The following LDB2 variants were observed in gnomAD, a reference collection of about 807,000 sequenced individuals.
The protein encoded by LDB2 is LIM domain-binding protein 2.
In LDB2, 12 loss-of-function variants were observed where a neutral mutation model predicts 44.3. The observed-to-expected ratio is 0.27, with a 90% confidence interval of 0.17 to 0.44. The LOEUF is 0.44. LDB2 is among the 20% of genes least tolerant of loss of function. LDB2 has a pLI of 1.00. For synonymous variants in LDB2, 164 were observed against 174.8 expected (o/e 0.94, Z 0.49); for missense variants, 344 against 473.5 (o/e 0.73, Z 2.54).
At chr4:16,816,067 G>A (rs1051017312) in intron 1 of LDB2, among the ~76,000 whole-genome samples, 2 of 152,074 alleles carry the variant, frequency 1.3e-5, no homozygotes. Flanking sequence ...AATTAGCCAG[G>A]TGTGGTGGTG....
chr4:16,719,346 C>T (rs1757747245), intron 2 of LDB2, among the ~76,000 whole-genome samples: 1 of 152,062 alleles, frequency 6.6e-6, no homozygotes, highest in African/African-American at 2.4e-5. Flanking sequence ...ATGATAAGCT[C>T]ATTAGCTTGA....
intron 2 of LDB2, among the ~76,000 whole-genome samples, chr4:16,661,154 T>C (rs764835135): frequency 5.3e-5 from 8 of 152,212 alleles, no homozygotes; most frequent in Non-Finnish European, 1.2e-4. Context: ...GATTCATTAC[T>C]GTGTGCATGG....
intron 2 of LDB2, among the ~76,000 whole-genome samples, chr4:16,743,188 G>A (rs1167749135): frequency 6.6e-6 from 1 of 152,154 alleles, no homozygotes; most frequent in Non-Finnish European, 1.5e-5. Flanking sequence ...TACTCAGGAG[G>A]CTGAGGCATG....
chr4:16,816,553 C>T (rs553172727), intron 1 of LDB2, among the ~76,000 whole-genome samples: 3 of 148,650 alleles, frequency 2.0e-5, no homozygotes, highest in African/African-American at 7.4e-5. Flanking sequence ...AGACTACAGG[C>T]GCCTGCCACC....
intron 1 of LDB2, among the ~76,000 whole-genome samples, chr4:16,828,314 T>G (rs1307705088): frequency 6.6e-6 from 1 of 152,220 alleles, no homozygotes; most frequent in Non-Finnish European, 1.5e-5. Context: ...GTCAAGCGGA[T>G]GGACTCTGTT....
At chr4:16,659,507 T>C (rs1304254846) in intron 2 of LDB2, among the ~76,000 whole-genome samples, 2 of 151,690 alleles carry the variant, frequency 1.3e-5, no homozygotes, top group Non-Finnish European at 2.9e-5. Context: ...TTTCTAACTT[T>C]TAATTTGTTT....
At chr4:16,574,756 C>A (rs1447091813) in intron 5 of LDB2, among the ~76,000 whole-genome samples, 1 of 152,166 alleles carries the variant, frequency 6.6e-6, no homozygotes, top group Non-Finnish European at 1.5e-5. Flanking sequence ...TATTATGCTT[C>A]TTCTGTTTGC....
At chr4:16,581,875 G>A (rs1714610746) in intron 5 of LDB2, among the ~76,000 whole-genome samples, 1 of 150,876 alleles carries the variant, frequency 6.6e-6, no homozygotes, top group Non-Finnish European at 1.5e-5. Flanking sequence ...TACCCCATAT[G>A]GATGCTGTGA....
At chr4:16,831,059 T>A (rs189141460) in intron 1 of LDB2, among the ~76,000 whole-genome samples, 1 of 152,050 alleles carries the variant, frequency 6.6e-6, no homozygotes, top group East Asian at 1.9e-4. Context: ...CAAGCACCTC[T>A]AGGCAATGGG....
At chr4:16,628,127 G>A (rs765435864) in intron 2 of LDB2, among the ~76,000 whole-genome samples, 1 of 152,224 alleles carries the variant, frequency 6.6e-6, no homozygotes, top group African/African-American at 2.4e-5. Context: ...TTTGGGTGCA[G>A]TGAAACTGGA....
At chr4:16,642,606 G>C (rs1038796583) in intron 2 of LDB2, among the ~76,000 whole-genome samples, 1 of 152,250 alleles carries the variant, frequency 6.6e-6, no homozygotes, top group South Asian at 2.1e-4. Context: ...CCTTTCCATG[G>C]ACCCAGCTTC....
chr4:16,609,353 G>GC (rs1553923639), intron 2 of LDB2, among the ~76,000 whole-genome samples: 3 of 66,250 alleles, frequency 4.5e-5, no homozygotes, highest in Non-Finnish European at 1.1e-4. Context: ...GGAGGGGGCG[G>GC]GGGGGGGAGG....
chr4:16,787,370 T>A (rs1471725718), intron 1 of LDB2, among the ~76,000 whole-genome samples: 3 of 152,182 alleles, frequency 2.0e-5, no homozygotes, highest in Non-Finnish European at 4.4e-5. Flanking sequence ...CCCAGCATTT[T>A]GGGAGGCCAA....
intron 2 of LDB2, among the ~76,000 whole-genome samples, chr4:16,645,371 C>T (rs1736444356): frequency 6.6e-6 from 1 of 150,760 alleles, no homozygotes; most frequent in South Asian, 2.1e-4. Context: ...CCCGTCTCTA[C>T]TAAAAATGCA....
chr4:16,714,928 T>C (rs991506135), intron 2 of LDB2, among the ~76,000 whole-genome samples: 2 of 152,262 alleles, frequency 1.3e-5, no homozygotes, highest in African/African-American at 2.4e-5. Context: ...TCCAGGATGA[T>C]CTCATCAAGA....
chr4:16,665,448 T>C (rs1387613379), intron 2 of LDB2, among the ~76,000 whole-genome samples: 1 of 152,006 alleles, frequency 6.6e-6, no homozygotes, highest in Admixed American at 6.5e-5. Flanking sequence ...TGTATTTTTA[T>C]TAGAGACGGG....
intron 1 of LDB2, among the ~76,000 whole-genome samples, chr4:16,844,248 C>CA (rs34034796): frequency 0.68 from 20,352 of 30,054 alleles, 8,196 homozygotes; most frequent in Non-Finnish European, 0.76. Flanking sequence ...ACCCTGTCTC[C>CA]AAAAAAAAAA....
chr4:16,544,106 C>T (rs945387183), intron 5 of LDB2, among the ~76,000 whole-genome samples: 2 of 152,150 alleles, frequency 1.3e-5, no homozygotes, highest in Admixed American at 6.5e-5. Flanking sequence ...GGAAATGTTA[C>T]ACTTTATGAA....
chr4:16,569,742 T>G (rs114777386), intron 5 of LDB2, among the ~76,000 whole-genome samples: 1 of 152,182 alleles, frequency 6.6e-6, no homozygotes, highest in Non-Finnish European at 1.5e-5. Context: ...TATTTATTAT[T>G]TTATATGTGG....
Sources: gnomAD v4.1 joint callset for allele counts (sites outside exome capture counted in the v4.1 genomes callset) on GRCh38, gnomAD v4.1.1 for gene constraint, MANE v1.5 for transcripts, NCBI Gene and HGNC (gene_info 2026-07-23, HGNC 2026-07-21) for gene names.